Variants in PCDHA9 observed in about 807,000 individuals in gnomAD.
PCDHA9 encodes protocadherin alpha 9.
In PCDHA9, 62 loss-of-function variants were observed where a neutral mutation model predicts 62.0. The observed-to-expected ratio is 1.00, with a 90% CI of 0.81 to 1.23. The LOEUF (loss-of-function observed/expected upper bound fraction) is 1.23, where lower values mean the gene tolerates loss of function less well. PCDHA9 is among the 50% of genes most tolerant of loss of function. The pLI is 0.00. For missense variants in PCDHA9, 1,205 were observed against 1,249.8 expected (o/e 0.96, Z 0.54); for synonymous variants, 557 against 567.6 (o/e 0.98, Z 0.27).
rs782362205 is a variant in PCDHA9 at position 141,009,960 on chromosome 5, A to G, written c.*23A>G. The G allele has an allele frequency of 6.3e-7, 1 of 1,589,232 alleles. No homozygotes were observed. The highest frequency in any genetic ancestry group is 2.2e-5 in the East Asian group (1 of 44,694). On this transcript the variant is annotated 3_prime_UTR_variant, in exon 4 of 4. Transcript: ENST00000532602. The stretch of plus-strand genomic sequence containing the variant: ...TGAGGTCCTCAAATGGAAACAAGCC[A>G]CTTAGCCAGTTTTTGTAATAATGGC...
chr5:141,000,136 G>A (rs2097893947), intron 3 of PCDHA9, among the ~76,000 whole-genome samples: 2 of 152,034 alleles, frequency 1.3e-5, no homozygotes, highest in South Asian at 4.1e-4. Flanking sequence ...TTCACAAGAA[G>A]TAAACAAAAC....
At chr5:141,004,449 A>G (rs2098166973) in intron 3 of PCDHA9, among the ~76,000 whole-genome samples, 1 of 152,180 alleles carries the variant, frequency 6.6e-6, no homozygotes. Flanking sequence ...GTCATATAGA[A>G]CCAGGAAGCT....
At chr5:140,896,451 C>T (rs1173407136) in intron 1 of PCDHA9, among the ~76,000 whole-genome samples, 1 of 152,112 alleles carries the variant, frequency 6.6e-6, no homozygotes, top group Non-Finnish European at 1.5e-5. Flanking sequence ...CAACCTCCAC[C>T]TCCTGGGTTC....
intron 1 of PCDHA9, chr5:140,870,429 G>T (rs1198109995): frequency 6.2e-7 from 1 of 1,614,238 alleles, no homozygotes; most frequent in African/African-American, 1.3e-5. Flanking sequence ...GGGTATCCGT[G>T]GAGGTGGCCG....
At chr5:140,999,173 T>G (rs892201477) in intron 3 of PCDHA9, among the ~76,000 whole-genome samples, 20 of 152,158 alleles carry the variant, frequency 1.3e-4, no homozygotes, top group African/African-American at 4.3e-4. Context: ...GAAAAGAGCC[T>G]GATGGGGAGA....
At chr5:140,929,281 C>A in intron 1 of PCDHA9, 1 of 1,602,592 alleles carries the variant, frequency 6.2e-7, no homozygotes, top group Non-Finnish European at 8.5e-7. Context: ...ATCCTGTATT[C>A]AGATTCGGAA....
At chr5:140,927,970 G>C in intron 1 of PCDHA9, 2 of 1,614,216 alleles carry the variant, frequency 1.2e-6, no homozygotes, top group Non-Finnish European at 1.7e-6. Context: ...CACAGTGATT[G>C]CTCTCTTTAG....
chr5:140,883,885 C>T (rs550197512), intron 1 of PCDHA9: 4 of 1,613,260 alleles, frequency 2.5e-6, no homozygotes, highest in East Asian at 4.5e-5. Context: ...GCGCGCGCGA[C>T]TCTGGCGTGC....
intron 1 of PCDHA9, among the ~76,000 whole-genome samples, chr5:140,910,949 C>T (rs1413845849): frequency 1.3e-5 from 2 of 152,112 alleles, no homozygotes; most frequent in African/African-American, 2.4e-5. Context: ...CAGTTCTTTT[C>T]GAGTGTAGCA....
intron 1 of PCDHA9, among the ~76,000 whole-genome samples, chr5:140,879,880 C>T (rs1162426271): frequency 6.6e-6 from 1 of 152,172 alleles, no homozygotes; most frequent in Admixed American, 6.5e-5. Flanking sequence ...GGTCACATTG[C>T]CTCCTCCTCT....
chr5:140,882,094 C>T, intron 1 of PCDHA9: 1 of 1,172,684 alleles, frequency 8.5e-7, no homozygotes, highest in Non-Finnish European at 1.2e-6. Context: ...TCACTGAGAA[C>T]GTTTCCGCGA....
intron 1 of PCDHA9, among the ~76,000 whole-genome samples, chr5:140,895,900 G>A (rs540029399): frequency 1.3e-3 from 196 of 152,038 alleles, no homozygotes; most frequent in African/African-American, 4.6e-3. Context: ...CAACCTCCGC[G>A]TCCCGGGCTC....
At chr5:140,966,758 C>T in intron 1 of PCDHA9, 1 of 1,445,334 alleles carries the variant, frequency 6.9e-7, no homozygotes, top group South Asian at 1.5e-5. Flanking sequence ...TCCGCCGCGG[C>T]CAGTGGCTAT....
intron 1 of PCDHA9, chr5:140,857,742 T>A (rs375305711): frequency 1.3e-6 from 2 of 1,597,392 alleles, no homozygotes; most frequent in Non-Finnish European, 1.7e-6. Flanking sequence ...CCCGCGCTGC[T>A]GGCGTCTCCC....
At chr5:140,918,943 T>C (rs1554198839) in intron 1 of PCDHA9, among the ~76,000 whole-genome samples, 1 of 152,220 alleles carries the variant, frequency 6.6e-6, no homozygotes, top group Non-Finnish European at 1.5e-5. Context: ...TGTTATAATA[T>C]CCTGAACAGA....
intron 1 of PCDHA9, among the ~76,000 whole-genome samples, chr5:140,959,265 T>C (rs1341807372): frequency 1.3e-5 from 2 of 152,076 alleles, no homozygotes; most frequent in African/African-American, 2.4e-5. Context: ...TAGTCCCAGC[T>C]ACCCAGGAGC....
chr5:140,882,116 GTTTC>G (rs1420968771), intron 1 of PCDHA9: 4 of 1,427,956 alleles, frequency 2.8e-6, no homozygotes, highest in South Asian at 1.4e-5. Flanking sequence ...GAAAGCCGCC[GTTTC>G]TTTCTTCCTG....
intron 1 of PCDHA9, chr5:140,857,128 AGAT>A: frequency 6.3e-7 from 1 of 1,598,286 alleles, no homozygotes; most frequent in South Asian, 1.1e-5. Flanking sequence ...CAGTGAAAGA[AGAT>A]GCTCAAGTGG....
chr5:140,971,509 A>C (rs1369392741), intron 1 of PCDHA9, among the ~76,000 whole-genome samples: 4 of 152,112 alleles, frequency 2.6e-5, no homozygotes, highest in Admixed American at 2.0e-4. Flanking sequence ...ATAGGAGCAA[A>C]AGCCACTCAG....
Sources: allele counts gnomAD v4.1 joint callset (sites outside exome capture counted in the v4.1 genomes callset), GRCh38; gene constraint gnomAD v4.1.1; transcripts MANE v1.5; gene names NCBI Gene and HGNC (gene_info 2026-07-23, HGNC 2026-07-21).